Variants in SHTN1 observed in about 807,000 individuals in gnomAD.
SHTN1 encodes shootin 1.
Under a neutral mutation model 83.1 loss-of-function variants are expected in SHTN1, and 42 were observed. That is an observed-to-expected ratio of 0.51 (90% CI 0.39 to 0.65). The LOEUF is 0.65. Among genes scored for constraint, SHTN1 ranks in the 30% least tolerant of loss-of-function variants. The pLI, the probability that SHTN1 is intolerant of heterozygous loss-of-function variation, is 0.00. For missense variants in SHTN1, 622 were observed against 737.8 expected, an observed-to-expected ratio of 0.84 and a Z score of 1.82; for synonymous variants, 224 against 247.7, an observed-to-expected ratio of 0.90 and a Z score of 0.90.
intron 4 of SHTN1, among the ~76,000 whole-genome samples, chr10:116,955,246 C>A (rs1849942462): frequency 6.6e-6 from 1 of 151,902 alleles, no homozygotes; most frequent in Non-Finnish European, 1.5e-5. Context: ...AAATTTAGGA[C>A]AAAGCACACA....
chr10:117,118,280 G>A (rs141109043), intron 1 of SHTN1, among the ~76,000 whole-genome samples: 6 of 149,258 alleles, frequency 4.0e-5, no homozygotes, highest in African/African-American at 1.5e-4. Context: ...ACATACAAAT[G>A]GCAAATAGGT....
intron 2 of SHTN1, among the ~76,000 whole-genome samples, chr10:117,017,490 C>CA (rs34947397): frequency 0.88 from 111,549 of 126,542 alleles, 50,149 homozygotes; most frequent in Non-Finnish European, 0.97. Flanking sequence ...GACTCCGTCT[C>CA]AAAAAAAAAA....
chr10:117,096,178 AT>A (rs144326119), intron 1 of SHTN1, among the ~76,000 whole-genome samples: 3,515 of 152,338 alleles, frequency 0.023, 117 homozygotes, highest in East Asian at 0.12. Context: ...GGTCAAAAAA[AT>A]AAAGTGTAAC....
chr10:117,123,012 T>C (rs916129818), intron 1 of SHTN1, among the ~76,000 whole-genome samples: 1 of 152,086 alleles, frequency 6.6e-6, no homozygotes, highest in African/African-American at 2.4e-5. Flanking sequence ...ATGGGTTGTT[T>C]TGTTTTGGAG....
intron 1 of SHTN1, among the ~76,000 whole-genome samples, chr10:117,120,682 G>C (rs781255776): frequency 2.9e-4 from 44 of 152,136 alleles, no homozygotes; most frequent in Non-Finnish European, 6.0e-4. Flanking sequence ...TTTGGTAGAA[G>C]AAACAGAACC....
intron 1 of SHTN1, among the ~76,000 whole-genome samples, chr10:116,988,973 C>T (rs1009937192): frequency 2.0e-5 from 3 of 152,036 alleles, no homozygotes; most frequent in African/African-American, 7.3e-5. Context: ...AAATTTAAAG[C>T]ACAACAAAGT....
At chr10:116,976,150 C>T (rs1024787937) in intron 2 of SHTN1, among the ~76,000 whole-genome samples, 2 of 152,170 alleles carry the variant, frequency 1.3e-5, no homozygotes, top group Non-Finnish European at 2.9e-5. Flanking sequence ...GTTCTTTCCT[C>T]TGTGAAATGG....
chr10:116,950,945 C>G (rs867001348), intron 6 of SHTN1, among the ~76,000 whole-genome samples: 2 of 152,106 alleles, frequency 1.3e-5, no homozygotes, highest in Non-Finnish European at 2.9e-5. Context: ...AGGATCAATA[C>G]GTTGGCATGC....
chr10:116,931,479 C>A (rs963784938), intron 9 of SHTN1, among the ~76,000 whole-genome samples: 1 of 152,134 alleles, frequency 6.6e-6, no homozygotes, highest in Non-Finnish European at 1.5e-5. Context: ...GAACTCCTGG[C>A]CTTAAGTGAT....
In SHTN1 at chr10:116,900,392, T is replaced by C. The variant is rs147347980; in HGVS notation, c.1673+1373A>G. The C allele has an allele frequency of 8.7e-4, 616 of 708,526 alleles. 12 individuals carry two copies. In the East Asian group the frequency reaches 0.016, roughly 19 times the overall value. The allele number at this position is 708,526 out of a possible 1,614,324, so 43.9% of individuals were successfully genotyped here. A position where few individuals can be genotyped will look rare whatever the true frequency, so the allele number is the denominator to read the frequency against. On this transcript the variant is annotated intron_variant, in intron 16 of 16. Coordinates refer to ENST00000355371, the MANE Select transcript of SHTN1 (RefSeq NM_001127211.3). ...CTGTGTCTGTCAACACATGGATCCT[T>C]TTCACTGTCAATTCAACACATATTT...
At chr10:117,073,963 T>C (rs183814702) in intron 1 of SHTN1, among the ~76,000 whole-genome samples, 2 of 152,284 alleles carry the variant, frequency 1.3e-5, no homozygotes, top group East Asian at 1.9e-4. Context: ...CCTGCAGTCA[T>C]TGCAGAATAT....
chr10:116,953,983 C>A, intron 5 of SHTN1, 59 bp downstream of exon 5: 1 of 1,390,504 alleles, frequency 7.2e-7, no homozygotes, highest in South Asian at 1.4e-5. Context: ...AGTCAGGGTT[C>A]AGAAGCACTA....
intron 1 of SHTN1, among the ~76,000 whole-genome samples, chr10:117,116,364 T>C (rs1853847915): frequency 3.3e-5 from 5 of 151,834 alleles, no homozygotes. Context: ...GACTGAACCA[T>C]GAAGAAATAG....
intron 1 of SHTN1, among the ~76,000 whole-genome samples, chr10:117,063,876 T>C (rs1404073429): frequency 2.6e-5 from 4 of 152,204 alleles, no homozygotes; most frequent in African/African-American, 9.7e-5. Flanking sequence ...CCTTTCTTGA[T>C]ATCCCCAAAT....
chr10:117,004,054 A>C (rs1851916733), intron 1 of SHTN1, among the ~76,000 whole-genome samples: 1 of 151,756 alleles, frequency 6.6e-6, no homozygotes, highest in African/African-American at 2.4e-5. Flanking sequence ...CGCCCGGCTA[A>C]TTTTGTATTT....
At chr10:116,963,216 C>T (rs970412237) in intron 3 of SHTN1, among the ~76,000 whole-genome samples, 1 of 149,556 alleles carries the variant, frequency 6.7e-6, no homozygotes, top group Non-Finnish European at 1.5e-5. Flanking sequence ...GGACTACAGG[C>T]GCCCGCCATC....
intron 2 of SHTN1, among the ~76,000 whole-genome samples, chr10:117,027,130 T>C (rs1589901526): frequency 6.6e-6 from 1 of 152,194 alleles, no homozygotes; most frequent in East Asian, 1.9e-4. Context: ...CCAAGACCAT[T>C]GATATAGTTT....
intron 3 of SHTN1, among the ~76,000 whole-genome samples, chr10:116,963,035 G>T (rs957468747): frequency 6.6e-5 from 3 of 45,258 alleles, no homozygotes; most frequent in Non-Finnish European, 8.9e-5. Flanking sequence ...AATAATAAAA[G>T]TTTTTTTTTT....
upstream of SHTN1, among the ~76,000 whole-genome samples, chr10:117,010,054 TA>T (rs1379005938): frequency 6.6e-6 from 1 of 151,486 alleles, no homozygotes; most frequent in African/African-American, 2.4e-5. Context: ...AAAATAAACC[TA>T]AAGTTAGCAG....
Sources: allele counts gnomAD v4.1 joint callset (sites outside exome capture counted in the v4.1 genomes callset), GRCh38; gene constraint gnomAD v4.1.1; transcripts MANE v1.5; gene names NCBI Gene and HGNC (gene_info 2026-07-23, HGNC 2026-07-21).